The following MDGA2 variants were observed in gnomAD, a reference collection of about 807,000 sequenced individuals.
The protein encoded by MDGA2 is MAM domain-containing glycosylphosphatidylinositol anchor protein 2.
MDGA2 carries 40 observed loss-of-function variants against 117.8 expected under a neutral mutation model. That is an observed-to-expected ratio of 0.34 (90% confidence interval 0.26 to 0.44). The LOEUF is 0.44. MDGA2 is among the 20% of genes least tolerant of loss of function. The pLI is 1.00. For synonymous variants in MDGA2, 452 were observed against 439.0 expected (o/e 1.03, Z -0.37); for missense variants, 1,123 against 1,250.6 (o/e 0.90, Z 1.54).
Position 47,495,397 on chromosome 14 carries a change from TC to T in MDGA2, c.280+179119del, listed in dbSNP as rs911367585. On this transcript the variant is annotated intron_variant, in intron 1 of 16. Coordinates refer to ENST00000399232, the MANE Select transcript of MDGA2 (RefSeq NM_001113498.3). Reference sequence around the variant, plus strand: ...TCCATGTAACACAACTCCACTTGTATCCCTAAATCCAGAAAAAAAAAATAAA... The same window carrying T: ...TCCATGTAACACAACTCCACTTGTATCCTAAATCCAGAAAAAAAAAATAAA... Among the ~76,000 whole-genome samples, 35 of 151,232 alleles carry T rather than the reference TC, an allele frequency of 2.3e-4. 1 individual carries two copies. Among genetic ancestry groups the T allele is most frequent in the Admixed American group, 2.3e-3 (35 of 15,142 alleles).
chr14:47,301,858 T>C (rs1238886670), intron 1 of MDGA2, among the ~76,000 whole-genome samples: 1 of 152,182 alleles, frequency 6.6e-6, no homozygotes, highest in Non-Finnish European at 1.5e-5. Context: ...CCTTCCTTTC[T>C]GAGTTCAAAT....
chr14:46,967,950 AAG>A lies in MDGA2; in HGVS notation c.1820-10309_1820-10308del, dbSNP rs569417385. 1.2e-4 allele frequency among the ~76,000 whole-genome samples: 18 copies of A among 152,272 alleles called. 1 individual carries two copies. The South Asian group carries it at 3.7e-3, about 32-fold the overall frequency. On this transcript the variant is annotated intron_variant, in intron 8 of 16. Coordinates refer to ENST00000399232, the MANE Select transcript of MDGA2 (RefSeq NM_001113498.3). ...AGGAAAGAAGCTGCAGATGCCGGGA[AAG>A]AGTGAGTGACTGACCCCCAGGGCTT...
intron 1 of MDGA2, among the ~76,000 whole-genome samples, chr14:47,381,618 C>A (rs1342835234): frequency 6.6e-6 from 1 of 152,108 alleles, no homozygotes; most frequent in Non-Finnish European, 1.5e-5. Flanking sequence ...ACAATTGCTA[C>A]AAAGTGAACA....
At chr14:46,956,646 T>C (rs1455694099) in intron 9 of MDGA2, among the ~76,000 whole-genome samples, 1 of 144,706 alleles carries the variant, frequency 6.9e-6, no homozygotes, top group African/African-American at 2.7e-5. Context: ...GAGATTTGAA[T>C]AGAAAAAAAA....
intron 1 of MDGA2, among the ~76,000 whole-genome samples, chr14:47,561,196 A>T (rs1594918359): frequency 2.9e-5 from 2 of 68,788 alleles, no homozygotes; most frequent in African/African-American, 8.0e-5. Context: ...TTTGCTTAGG[A>T]TTGCCTTAAC....
intron 3 of MDGA2, among the ~76,000 whole-genome samples, chr14:47,182,219 T>C (rs1004578256): frequency 2.6e-5 from 4 of 152,114 alleles, no homozygotes; most frequent in African/African-American, 4.8e-5. Context: ...GTAATAATCA[T>C]TTCATTGAGG....
At chr14:47,093,953 G>C (rs988344084) in intron 6 of MDGA2, among the ~76,000 whole-genome samples, 1 of 152,036 alleles carries the variant, frequency 6.6e-6, no homozygotes, top group African/African-American at 2.4e-5. Context: ...TATATCTACT[G>C]TATCCATGAC....
Position 46,865,186 on chromosome 14 carries a change from C to G in MDGA2, c.2752+8247G>C, listed in dbSNP as rs80244873. Among the ~76,000 whole-genome samples, 125 of 152,198 alleles carry G rather than the reference C, an allele frequency of 8.2e-4. 1 individual carries two copies. The East Asian group carries it at 0.02, about 25-fold the overall frequency. On this transcript the variant is annotated intron_variant, in intron 14 of 16. Coordinates refer to ENST00000399232, the MANE Select transcript of MDGA2 (RefSeq NM_001113498.3). ...ATGCAAAATACCATCTTTGCTTTCT[C>G]AATATCTTGTATAAAAATATTTAAG...
intron 3 of MDGA2, among the ~76,000 whole-genome samples, chr14:47,145,631 T>TACTTA (rs937637323): frequency 2.0e-5 from 3 of 152,180 alleles, no homozygotes; most frequent in African/African-American, 7.2e-5. Flanking sequence ...CAAGAAAGGT[T>TACTTA]ACTTAACTTT....
intron 2 of MDGA2, among the ~76,000 whole-genome samples, chr14:47,242,870 C>T (rs1403728955): frequency 6.6e-6 from 1 of 151,778 alleles, no homozygotes; most frequent in African/African-American, 2.4e-5. Flanking sequence ...CCTGCAGCCC[C>T]GGTGTGGGAT....
intron 3 of MDGA2, among the ~76,000 whole-genome samples, chr14:47,202,648 G>T (rs1885550454): frequency 6.6e-6 from 1 of 152,144 alleles, no homozygotes; most frequent in Non-Finnish European, 1.5e-5. Flanking sequence ...ATCCTATAAG[G>T]GAGGAATTGT....
At chr14:47,099,435 T>A (rs1179605152) in intron 5 of MDGA2, among the ~76,000 whole-genome samples, 1 of 151,954 alleles carries the variant, frequency 6.6e-6, no homozygotes, top group Non-Finnish European at 1.5e-5. Context: ...AGGAAAATAT[T>A]TCATATTGGA....
At chr14:46,906,064 TA>T (rs1411937162) in intron 10 of MDGA2, among the ~76,000 whole-genome samples, 2 of 151,998 alleles carry the variant, frequency 1.3e-5, no homozygotes, top group African/African-American at 4.8e-5. Flanking sequence ...TAATAGCATA[TA>T]ATTAGTATTA....
intron 9 of MDGA2, among the ~76,000 whole-genome samples, chr14:46,929,195 GTTATTTTAAACAAATATGCCAT>G (rs1884442234): frequency 6.6e-6 from 1 of 152,034 alleles, no homozygotes; most frequent in Non-Finnish European, 1.5e-5. Flanking sequence ...CTGACGAATT[GTTATTTTAAACAAATATGCCAT>G]TTATATATGT....
At chr14:47,021,707 T>C (rs750996408) in intron 8 of MDGA2, among the ~76,000 whole-genome samples, 1 of 152,046 alleles carries the variant, frequency 6.6e-6, no homozygotes, top group Non-Finnish European at 1.5e-5. Flanking sequence ...AATCAGAAAA[T>C]TTTGTTGGTA....
intron 2 of MDGA2, among the ~76,000 whole-genome samples, chr14:47,241,135 G>A (rs145724930): frequency 1.4e-4 from 22 of 151,860 alleles, no homozygotes; most frequent in Admixed American, 3.9e-4. Context: ...ATGTTGCAAA[G>A]TTGATCATTT....
intron 7 of MDGA2, among the ~76,000 whole-genome samples, chr14:47,046,499 TA>T (rs1179325396): frequency 6.6e-6 from 1 of 150,702 alleles, no homozygotes; most frequent in East Asian, 2.0e-4. Context: ...ATACCTAATG[TA>T]AATGATGAGT....
intron 8 of MDGA2, among the ~76,000 whole-genome samples, chr14:47,028,117 T>G (rs1314979684): frequency 6.6e-6 from 1 of 152,000 alleles, no homozygotes; most frequent in Admixed American, 6.6e-5. Context: ...ATTCTATGAG[T>G]CAAAGAAAAT....
chr14:47,369,869 G>C (rs1293361996), intron 1 of MDGA2, among the ~76,000 whole-genome samples: 1 of 151,832 alleles, frequency 6.6e-6, no homozygotes, highest in East Asian at 1.9e-4. Context: ...TAGGCACTTA[G>C]TTTTTAATAG....
Sources: allele counts gnomAD v4.1 joint callset (sites outside exome capture counted in the v4.1 genomes callset), GRCh38; gene constraint gnomAD v4.1.1; transcripts MANE v1.5; gene names NCBI Gene and HGNC (gene_info 2026-07-23, HGNC 2026-07-21).